HIVEP3: variants seen among roughly 807,000 people sequenced by gnomAD.
The protein encoded by HIVEP3 is HIVEP zinc finger 3, also known as transcription factor HIVEP3.
In HIVEP3, 49 loss-of-function variants were observed where a neutral mutation model predicts 152.8. That is an observed-to-expected ratio of 0.32 (90% CI 0.26 to 0.41). The LOEUF (loss-of-function observed/expected upper bound fraction) is 0.41, where lower values mean the gene tolerates loss of function less well. HIVEP3 is among the 10% of genes least tolerant of loss of function. The probability of loss-of-function intolerance (pLI) is 1.00; values close to 1 mark genes in which losing one functional copy is unlikely to be tolerated. For missense variants in HIVEP3, 2,790 were observed against 3,103.3 expected (o/e 0.90, Z 2.40); for synonymous variants, 1,269 against 1,289.0 (o/e 0.98, Z 0.33).
chr1:41,666,123 G>A (rs1325957512), intron 2 of HIVEP3, among the ~76,000 whole-genome samples: 4 of 73,690 alleles, frequency 5.4e-5, no homozygotes, highest in Non-Finnish European at 6.4e-5. Context: ...GTGTGTGTGC[G>A]TGTGTGTGTG....
intron 1 of HIVEP3, among the ~76,000 whole-genome samples, chr1:41,776,617 CTTTACCTGGA>C (rs1648718925): frequency 6.6e-6 from 1 of 152,232 alleles, no homozygotes; most frequent in Admixed American, 6.5e-5. Flanking sequence ...CCCCACTTCA[CTTTACCTGGA>C]TTTCTTGGTT....
At chr1:42,007,102 A>G (rs945359303) in intron 1 of HIVEP3, among the ~76,000 whole-genome samples, 1 of 152,246 alleles carries the variant, frequency 6.6e-6, no homozygotes, top group African/African-American at 2.4e-5. Context: ...ATGAAATACA[A>G]TAGAGCTGAG....
chr1:42,002,648 G>T (rs529952258), intron 1 of HIVEP3, among the ~76,000 whole-genome samples: 29 of 152,318 alleles, frequency 1.9e-4, no homozygotes, highest in African/African-American at 6.7e-4. Context: ...GATCCAGTGG[G>T]GCCTGCCATG....
intron 3 of HIVEP3, among the ~76,000 whole-genome samples, chr1:41,622,290 C>T (rs149708443): frequency 6.6e-6 from 1 of 152,120 alleles, no homozygotes; most frequent in African/African-American, 2.4e-5. Flanking sequence ...GTCCTAATGC[C>T]ATGGGGAAGG....
chr1:42,012,767 G>C (rs940681165), intron 1 of HIVEP3, among the ~76,000 whole-genome samples: 2 of 152,132 alleles, frequency 1.3e-5, no homozygotes, highest in African/African-American at 4.8e-5. Flanking sequence ...GTAAAAGGCA[G>C]CTGTCTACAA....
At chr1:41,689,883 T>G (rs1012246093) in intron 2 of HIVEP3, among the ~76,000 whole-genome samples, 1 of 152,246 alleles carries the variant, frequency 6.6e-6, no homozygotes. Context: ...AATGTTGGCC[T>G]TGCAGCCTGT....
intron 3 of HIVEP3, among the ~76,000 whole-genome samples, chr1:41,618,806 C>T (rs1270833402): frequency 6.6e-6 from 1 of 152,236 alleles, no homozygotes; most frequent in African/African-American, 2.4e-5. Flanking sequence ...GAAGACTGAA[C>T]AGATGTGTCA....
chr1:42,026,048 G>A (rs775915036), intron 1 of HIVEP3, among the ~76,000 whole-genome samples: 5 of 151,434 alleles, frequency 3.3e-5, no homozygotes, highest in African/African-American at 4.9e-5. Context: ...CAGCCTGGGC[G>A]ACAGAGCAAG....
In HIVEP3 at chr1:41,582,517, T is replaced by G; in HGVS notation, c.2281A>C (p.Ser761Arg). ...CCCTCCAAGGAGGGCACTGATTTACTTGGTTCTGCTGGTGACTTGGTGGAC... is the reference window on the plus strand; with the variant it reads ...CCCTCCAAGGAGGGCACTGATTTACGTGGTTCTGCTGGTGACTTGGTGGAC... Reference protein sequence around the residue: ...LESTKSPAEPSKSVPSLEGPT... With the variant: ...LESTKSPAEPRKSVPSLEGPT... The change falls in exon 4 of 9, where the codon AGT (serine) becomes CGT (arginine). Residue 761 changes from serine (S) to arginine (R), a missense_variant. By Grantham distance (110) the Ser-to-Arg change is moderately radical. Transcript: ENST00000372583. This position sits in a 1 kb window ranked among gnomAD's most constrained non-coding sequence, Gnocchi z 4.7. 6.2e-7 allele frequency: 1 copy of G among 1,611,938 alleles called. No homozygotes were observed. The highest frequency in any genetic ancestry group is 8.5e-7 in the Non-Finnish European group (1 of 1,178,610).
At chr1:42,026,481 CA>C (rs1190155263) in intron 1 of HIVEP3, among the ~76,000 whole-genome samples, 6 of 152,114 alleles carry the variant, frequency 3.9e-5, no homozygotes, top group African/African-American at 1.4e-4. Flanking sequence ...TTAATATTTT[CA>C]GTGGAATTTT....
At chr1:41,629,887 A>G (rs1191416040) in intron 2 of HIVEP3, among the ~76,000 whole-genome samples, 1 of 152,240 alleles carries the variant, frequency 6.6e-6, no homozygotes, top group African/African-American at 2.4e-5. Context: ...AAGAACTTCA[A>G]ACAGAACGAC....
At chr1:41,728,445 G>A (rs912724807) in intron 1 of HIVEP3, among the ~76,000 whole-genome samples, 5 of 151,998 alleles carry the variant, frequency 3.3e-5, no homozygotes, top group Admixed American at 1.3e-4. Context: ...CAGGGGATGC[G>A]GGGCTGGTTC....
chr1:41,941,798 A>G (rs1363044020), intron 1 of HIVEP3, among the ~76,000 whole-genome samples: 1 of 152,142 alleles, frequency 6.6e-6, no homozygotes, highest in East Asian at 1.9e-4. Context: ...TCTTGAGAAA[A>G]CACCGTTTCT....
Position 41,510,493 on chromosome 1 carries a change from T to G in HIVEP3, c.7179A>C (p.Ala2393=). ...PKPSGSGEPR[A]HPHQPEDRVP... ...CCCTGTCCTCAGGCTGATGTGGATG[T>G]GCCCTGGGCTCCCCACTTCCTGAGG... Residue 2393 remains alanine, a synonymous_variant, in exon 9 of 9, where the codon GCA becomes GCC. Transcript: ENST00000372583. 1 of 1,579,658 alleles carries G rather than the reference T, an allele frequency of 6.3e-7. No individual in the cohort carries two copies. The highest frequency in any genetic ancestry group is 8.6e-7 in the Non-Finnish European group (1 of 1,161,942).
At position 41,506,643 on chromosome 1, in the gene HIVEP3, A is replaced by G. The variant is rs1644386478; in HGVS notation, c.*3808T>C. ...TGTTTTTTCTTTTGCACTGATATAT[A>G]CCATACCAACATTGCAAGATGCAAG... On this transcript the variant is annotated 3_prime_UTR_variant, in exon 9 of 9. Coordinates refer to ENST00000372583, the MANE Select transcript of HIVEP3 (RefSeq NM_024503.5). 1 of 149,188 alleles carries G rather than the reference A, an allele frequency of 6.7e-6. No individual in the cohort carries two copies. Among genetic ancestry groups the G allele is most frequent in the Non-Finnish European group, 1.5e-5 (1 of 67,612 alleles). 9.2% of individuals were successfully genotyped at this position (149,188 alleles called of 1,614,324 possible).
intron 1 of HIVEP3, among the ~76,000 whole-genome samples, chr1:41,753,653 A>G (rs1647203223): frequency 7.3e-6 from 1 of 136,100 alleles, no homozygotes; most frequent in Admixed American, 7.7e-5. Flanking sequence ...GGGACACAGG[A>G]GAGAAACGCC....
intron 1 of HIVEP3, among the ~76,000 whole-genome samples, chr1:41,989,360 G>C (rs1428879606): frequency 1.3e-5 from 2 of 151,972 alleles, no homozygotes; most frequent in African/African-American, 2.4e-5. Context: ...ATTTGTATTT[G>C]TCAATTTAAA....
rs1644472658 is a variant in HIVEP3, at chr1:41,584,479, G to A, written c.319C>T (p.Pro107Ser). The A allele has an allele frequency of 6.2e-7, 1 of 1,614,052 alleles. No homozygotes were observed. Among genetic ancestry groups the A allele is most frequent in the South Asian group, 1.1e-5 (1 of 91,084 alleles). The change falls in exon 4 of 9, where the codon CCT becomes TCT. Residue 107 changes from proline (P) to serine (S), a missense_variant. Physicochemically the swap from Pro to Ser is moderately conservative, Grantham distance 74. This residue lies in a region of HIVEP3 where 209 missense variants were observed against 237.0 expected (regional missense o/e 0.88). Transcript: ENST00000372583. The surrounding 1 kb of genome is among the most constrained non-coding windows in gnomAD (Gnocchi z 5.2). ...QHPLTPAFMS[P>S]GKPEHLLEGS... Reference sequence around the variant, plus strand: ...TCCAGGAGATGCTCAGGTTTGCCAGGCGACATGAATGCTGGTGTCAGAGGG... The same window carrying A: ...TCCAGGAGATGCTCAGGTTTGCCAGACGACATGAATGCTGGTGTCAGAGGG...
At chr1:41,754,363 G>A (rs1194773734) in intron 1 of HIVEP3, among the ~76,000 whole-genome samples, 1 of 152,210 alleles carries the variant, frequency 6.6e-6, no homozygotes, top group African/African-American at 2.4e-5. Context: ...AGGAGACAAG[G>A]ATCAGATTGC....
Sources: gnomAD v4.1 joint callset for allele counts (sites outside exome capture counted in the v4.1 genomes callset) on GRCh38, gnomAD v4.1.1 for gene constraint, gnomAD v4.1.1 regional missense constraint, Gnocchi (gnomAD v3.1) non-coding constraint, MANE v1.5 for transcripts, NCBI Gene and HGNC (gene_info 2026-07-23, HGNC 2026-07-21) for gene names.